Variants in MDGA2 observed in about 807,000 individuals in gnomAD.
MDGA2 encodes the protein MAM domain containing glycosylphosphatidylinositol anchor 2.
A neutral mutation model predicts 117.8 loss-of-function variants in MDGA2; 40 were observed. The observed-to-expected ratio is 0.34, with a 90% CI of 0.26 to 0.44. MDGA2 has a LOEUF of 0.44. Among genes scored for constraint, MDGA2 ranks in the 20% least tolerant of loss-of-function variants. The pLI, the probability that MDGA2 is intolerant of heterozygous loss-of-function variation, is 1.00. For missense variants in MDGA2, 1,123 were observed against 1,250.6 expected (o/e 0.90, Z 1.54); for synonymous variants, 452 against 439.0 (o/e 1.03, Z -0.37).
chr14:47,439,542 T>C (rs570308425), intron 1 of MDGA2, among the ~76,000 whole-genome samples: 3 of 152,232 alleles, frequency 2.0e-5, no homozygotes, highest in African/African-American at 7.2e-5. Flanking sequence ...ACTCCCTCTA[T>C]GCTTGTGGTG....
chr14:47,318,809 A>AGAAGGAAGGAAGGAAGCAAG (rs1310181007), intron 1 of MDGA2, among the ~76,000 whole-genome samples: 30 of 91,690 alleles, frequency 3.3e-4, no homozygotes, highest in Admixed American at 3.0e-3. Flanking sequence ...AAGGGAGGAA[A>AGAAGGAAGGAAGGAAGCAAG]GAAGGAAGGA....
rs1001838323 is a variant in MDGA2, at chr14:46,856,894, T to TTG, written c.2753-1741_2753-1740insCA. Among the ~76,000 whole-genome samples, 43 of 152,240 alleles carry TTG rather than the reference T, an allele frequency of 2.8e-4. 1 individual carries two copies. Among genetic ancestry groups the TTG allele is most frequent in the Admixed American group, 2.7e-3 (42 of 15,282 alleles). ...ATTATTTTAGAGTTAAGATATAACT[T>TTG]CTCAGAGTCTAATTAGAGTCAATAT... On this transcript the variant is annotated intron_variant, in intron 14 of 16. Transcript: ENST00000399232.
At chr14:46,847,631 C>T (rs2172238) in intron 15 of MDGA2, among the ~76,000 whole-genome samples, 87,091 of 151,534 alleles carry the variant, frequency 0.57, 27,158 homozygotes, top group Admixed American at 0.72. Flanking sequence ...AAAAAATGAA[C>T]GGTATGAACA....
At chr14:47,357,501 G>A (rs1891021465) in intron 1 of MDGA2, among the ~76,000 whole-genome samples, 1 of 152,192 alleles carries the variant, frequency 6.6e-6, no homozygotes, top group Non-Finnish European at 1.5e-5. Context: ...AGTACCTTCT[G>A]TTGCACCTGG....
chr14:47,424,632 C>G (rs1892648007), intron 1 of MDGA2, among the ~76,000 whole-genome samples: 1 of 152,048 alleles, frequency 6.6e-6, no homozygotes. Flanking sequence ...TTTAAGCAAA[C>G]AGTGAAATTC....
intron 1 of MDGA2, among the ~76,000 whole-genome samples, chr14:47,352,120 A>C (rs190811990): frequency 6.4e-4 from 98 of 152,290 alleles, no homozygotes; most frequent in African/African-American, 2.3e-3. Context: ...GCACATGATT[A>C]TTTCAAAAAT....
intron 1 of MDGA2, chr14:47,342,974 G>C (rs1486238321): frequency 2.3e-6 from 2 of 852,084 alleles, no homozygotes; most frequent in Non-Finnish European, 3.4e-6. Flanking sequence ...AGGAAGGAAA[G>C]GCAGCTTTGC....
At chr14:46,967,741 A>C (rs1886091993) in intron 8 of MDGA2, among the ~76,000 whole-genome samples, 1 of 152,166 alleles carries the variant, frequency 6.6e-6, no homozygotes, top group African/African-American at 2.4e-5. Context: ...ATAGTACTGA[A>C]CACTATATTT....
At chr14:46,894,442 C>T (rs994527417) in intron 10 of MDGA2, among the ~76,000 whole-genome samples, 9 of 152,020 alleles carry the variant, frequency 5.9e-5, no homozygotes, top group African/African-American at 2.2e-4. Context: ...TTGGGAAGGC[C>T]TAATTATGTT....
rs79449116 is a variant in MDGA2, at chr14:47,409,574, C to T, written c.281-108024G>A. 2.4e-3 allele frequency among the ~76,000 whole-genome samples: 371 copies of T among 152,218 alleles called. 1 individual carries two copies. The highest frequency in any genetic ancestry group is 8.5e-3 in the African/African-American group (351 of 41,530). On this transcript the variant is annotated intron_variant, in intron 1 of 16. Coordinates refer to ENST00000399232, the MANE Select transcript of MDGA2 (RefSeq NM_001113498.3). ...CTAATAAAAAGCTACATGCTGCCAT[C>T]CCTATTTCTAATCAGTACTGTAGGT... is the stretch of plus-strand genomic sequence containing the variant.
At chr14:47,612,500 C>A (rs1896870176) in intron 1 of MDGA2, among the ~76,000 whole-genome samples, 1 of 152,180 alleles carries the variant, frequency 6.6e-6, no homozygotes. Flanking sequence ...GCTCAAAGTT[C>A]TGGATGTCGA....
At chr14:47,583,475 G>A (rs1417032357) in intron 1 of MDGA2, among the ~76,000 whole-genome samples, 1 of 151,802 alleles carries the variant, frequency 6.6e-6, no homozygotes, top group Non-Finnish European at 1.5e-5. Flanking sequence ...TTGGGATGTT[G>A]AATAATCAAG....
In MDGA2 at chr14:47,218,120, T is replaced by C. The variant is rs1252594859; in HGVS notation, c.496A>G (p.Ile166Val). The change falls in exon 3 of 17, where the codon ATT becomes GTT. Residue 166 changes from isoleucine (I) to valine (V), a missense_variant. This residue lies in a region of MDGA2 where 233 missense variants were observed against 200.3 expected (regional missense o/e 1.16). Coordinates refer to ENST00000399232, the MANE Select transcript of MDGA2 (RefSeq NM_001113498.3). ...DSSVFNETLR[I>V]TNIQRHQGGR... The stretch of plus-strand genomic sequence containing the variant: ...CCTTGGTGTCGCTGAATATTTGTAA[T>C]CCTCAAAGTCTCATTGAAGACACTT... 1.9e-6 allele frequency: 3 copies of C among 1,551,240 alleles called. No homozygotes were observed. The highest frequency in any genetic ancestry group is 1.4e-5 in the African/African-American group (1 of 72,986).
rs760350948 is a variant in MDGA2 at position 46,874,085 on chromosome 14, A to G, written c.2553T>C (p.Pro851=). Residue 851 remains proline (P), a synonymous_variant, in exon 13 of 17, where the codon CCT becomes CCC. Coordinates refer to ENST00000399232, the MANE Select transcript of MDGA2 (RefSeq NM_001113498.3). ...TACGGTCAGCATTAGGTCCTGTATT[A>G]GGAGTATATTTTGTATTTCTTGTTG... is the stretch of plus-strand genomic sequence containing the variant. ...STATRNTKYT[P]NTGPNADRSG... The G allele has an allele frequency of 7.2e-5, 112 of 1,560,834 alleles. No homozygotes were observed. Among genetic ancestry groups the G allele is most frequent in the Non-Finnish European group, 9.1e-5 (105 of 1,155,954 alleles).
At position 47,274,444 on chromosome 14, in the gene MDGA2, C is replaced by T. The variant is rs182058579; in HGVS notation, c.420+26967G>A. 2.6e-5 allele frequency among the ~76,000 whole-genome samples: 4 copies of T among 152,146 alleles called. No individual in the cohort carries two copies. In the East Asian group the frequency reaches 5.8e-4, roughly 22 times the overall value. On this transcript the variant is annotated intron_variant, in intron 2 of 16. Coordinates refer to ENST00000399232, the MANE Select transcript of MDGA2 (RefSeq NM_001113498.3). ...TTTTATTGCTGATAACATTTCATTGCATAGATAGGCCACATTTTATTTATC... is the reference window on the plus strand; with the variant it reads ...TTTTATTGCTGATAACATTTCATTGTATAGATAGGCCACATTTTATTTATC...
intron 1 of MDGA2, among the ~76,000 whole-genome samples, chr14:47,378,253 G>T (rs1566760994): frequency 6.6e-6 from 1 of 152,112 alleles, no homozygotes; most frequent in South Asian, 2.1e-4. Context: ...CCACAAAGAT[G>T]GGGAAAAAAC....
At chr14:47,636,620 C>T (rs1161392896) in intron 1 of MDGA2, among the ~76,000 whole-genome samples, 2 of 151,886 alleles carry the variant, frequency 1.3e-5, no homozygotes, top group East Asian at 3.9e-4. Flanking sequence ...CCCATCTCTA[C>T]TAAAAATACA....
chr14:46,844,474 A>T (rs1226771212), intron 16 of MDGA2, among the ~76,000 whole-genome samples: 4 of 152,048 alleles, frequency 2.6e-5, no homozygotes, highest in Non-Finnish European at 4.4e-5. Context: ...CCAGCTACTC[A>T]GGAGGCTGAG....
At chr14:47,323,405 C>T (rs1026924546) in intron 1 of MDGA2, among the ~76,000 whole-genome samples, 1 of 151,708 alleles carries the variant, frequency 6.6e-6, no homozygotes, top group African/African-American at 2.4e-5. Context: ...GCAGGAAGAT[C>T]ACTAGAGGTC....
Sources: gnomAD v4.1 joint callset for allele counts (sites outside exome capture counted in the v4.1 genomes callset) on GRCh38, gnomAD v4.1.1 for gene constraint, gnomAD v4.1.1 regional missense constraint, MANE v1.5 for transcripts, NCBI Gene and HGNC (gene_info 2026-07-23, HGNC 2026-07-21) for gene names.